The following CAST variants were observed in gnomAD, a reference collection of about 807,000 sequenced individuals.
CAST encodes MIR583 host.
CAST carries 76 observed loss-of-function variants against 119.6 expected under a neutral mutation model. The observed-to-expected ratio is 0.64, with a 90% CI of 0.53 to 0.77. The LOEUF (loss-of-function observed/expected upper bound fraction) is 0.77, where lower values mean the gene tolerates loss of function less well. Ranked by LOEUF, CAST falls within the 30% of genes least tolerant of loss-of-function variation. The probability of loss-of-function intolerance (pLI) is 0.00; values close to 1 mark genes in which losing one functional copy is unlikely to be tolerated. For missense variants in CAST, 953 were observed against 946.5 expected (o/e 1.01, Z -0.09); for synonymous variants, 319 against 331.6 (o/e 0.96, Z 0.41).
chr5:96,630,338 A>C (rs1429415074), intron 1 of CAST, among the ~76,000 whole-genome samples: 4 of 152,228 alleles, frequency 2.6e-5, no homozygotes, highest in African/African-American at 9.6e-5. Flanking sequence ...AAAAATAAGA[A>C]AACACAAGCC....
At chr5:96,728,513 G>A (rs1282114710) in intron 6 of CAST, 1 of 148,576 alleles carries the variant, frequency 6.7e-6, no homozygotes, top group East Asian at 2.0e-4. Flanking sequence ...GTCTCGCTCT[G>A]TCGCCCAGGC....
the CAST span, among the ~76,000 whole-genome samples, chr5:96,178,469 T>TCTCCTGAAACAATGGTGCC: frequency 9.2e-5 from 14 of 152,144 alleles, no homozygotes; most frequent in African/African-American, 3.1e-4. Flanking sequence ...AATACTCAGT[T>TCTCCTGAAACAATGGTGCC]CTCCTGAAAC....
the CAST span, among the ~76,000 whole-genome samples, chr5:96,265,426 C>G: frequency 6.6e-6 from 1 of 151,876 alleles, no homozygotes. Context: ...TCCAAAAGAC[C>G]GAGAGCCATG....
the CAST span, among the ~76,000 whole-genome samples, chr5:96,485,258 A>G: frequency 2.6e-5 from 4 of 152,122 alleles, no homozygotes; most frequent in Non-Finnish European, 4.4e-5. Context: ...TCACAAGTCA[A>G]TGTTGCCCAA....
chr5:96,071,215 C>T, the CAST span, among the ~76,000 whole-genome samples: 2 of 151,992 alleles, frequency 1.3e-5, no homozygotes, highest in Non-Finnish European at 2.9e-5. Context: ...TGTCCCTTCT[C>T]AAGCCCACTT....
chr5:96,541,359 T>G (rs1745909992), intron 1 of CAST, among the ~76,000 whole-genome samples: 1 of 152,212 alleles, frequency 6.6e-6, no homozygotes, highest in African/African-American at 2.4e-5. Context: ...GAGCACTTCT[T>G]TGTTTTTGAC....
At chr5:96,090,991 AG>A in the CAST span, among the ~76,000 whole-genome samples, 1 of 152,004 alleles carries the variant, frequency 6.6e-6, no homozygotes, top group Admixed American at 6.6e-5. Context: ...TCCTGTGTGC[AG>A]GTTCCCAGGT....
the CAST span, among the ~76,000 whole-genome samples, chr5:96,235,126 T>C: frequency 2.6e-5 from 4 of 152,306 alleles, no homozygotes; most frequent in South Asian, 8.3e-4. Context: ...CTCCAAGTGA[T>C]TCTCCTGGTT....
rs187104872 is a variant in CAST, at chr5:96,565,046, T to A, written c.60+35166T>A. ...GGTAGATCAAAATAAATAAATATTT[T>A]AAAAATTAAAGTATAAAAACACATG... On this transcript the variant is annotated intron_variant, in intron 1 of 11. Transcript: ENST00000505143. Among the ~76,000 whole-genome samples the A allele has an allele frequency of 3.0e-4, 45 of 150,348 alleles. No individual in the cohort carries two copies. The East Asian group carries it at 7.1e-3, about 24-fold the overall frequency.
the CAST span, among the ~76,000 whole-genome samples, chr5:96,401,812 A>G: frequency 6.6e-6 from 1 of 152,112 alleles, no homozygotes; most frequent in South Asian, 2.1e-4. Flanking sequence ...TTGTTCTCTG[A>G]TGTGTAGCAC....
chr5:96,157,469 A>G, the CAST span, among the ~76,000 whole-genome samples: 1 of 152,232 alleles, frequency 6.6e-6, no homozygotes, highest in African/African-American at 2.4e-5. Context: ...CTCAAAGACA[A>G]AAGTATACTC....
the CAST span, among the ~76,000 whole-genome samples, chr5:96,090,621 A>T: frequency 3.8e-5 from 4 of 104,120 alleles, no homozygotes; most frequent in Non-Finnish European, 8.6e-5. Flanking sequence ...AAATTTTTTT[A>T]AAAGACTTTT....
the CAST span, among the ~76,000 whole-genome samples, chr5:96,095,420 A>G: frequency 6.6e-6 from 1 of 151,748 alleles, no homozygotes; most frequent in South Asian, 2.1e-4. Flanking sequence ...GAAAAAAAAA[A>G]CAATTAGCCA....
At chr5:96,398,337 T>C in the CAST span, among the ~76,000 whole-genome samples, 1 of 152,328 alleles carries the variant, frequency 6.6e-6, no homozygotes, top group South Asian at 2.1e-4. Flanking sequence ...TTATGGCTTA[T>C]GGTTCACGAG....
chr5:96,432,937 C>A, the CAST span: 1 of 1,614,194 alleles, frequency 6.2e-7, no homozygotes, highest in Non-Finnish European at 8.5e-7. Context: ...ATCTCCGCTG[C>A]CCATTCATTG....
At chr5:96,663,331 C>T (rs903979781) in intron 1 of CAST, among the ~76,000 whole-genome samples, 3 of 152,174 alleles carry the variant, frequency 2.0e-5, no homozygotes, top group African/African-American at 7.2e-5. Flanking sequence ...AGGTTAGGCT[C>T]GGGGAGAGGC....
At chr5:96,380,383 GTTTATA>G in the CAST span, among the ~76,000 whole-genome samples, 1 of 152,126 alleles carries the variant, frequency 6.6e-6, no homozygotes, top group African/African-American at 2.4e-5. Flanking sequence ...GAAATGTGAA[GTTTATA>G]TAAAGCACTT....
At chr5:96,696,777 G>A (rs1753350460) in intron 3 of CAST, among the ~76,000 whole-genome samples, 1 of 151,860 alleles carries the variant, frequency 6.6e-6, no homozygotes, top group African/African-American at 2.4e-5. Context: ...GATCACTTAA[G>A]TCTGGGAGGT....
At chr5:96,310,763 A>G in the CAST span, among the ~76,000 whole-genome samples, 31 of 150,690 alleles carry the variant, frequency 2.1e-4, no homozygotes, top group African/African-American at 5.6e-4. Flanking sequence ...AGTATCAGTC[A>G]TAATATCTCC....
Sources: gnomAD v4.1 joint callset for allele counts (sites outside exome capture counted in the v4.1 genomes callset) on GRCh38, gnomAD v4.1.1 for gene constraint, MANE v1.5 for transcripts, NCBI Gene and HGNC (gene_info 2026-07-23, HGNC 2026-07-21) for gene names.